Variants in PRDM1 observed in about 807,000 individuals in gnomAD.
PRDM1 encodes PR/SET domain 1, also known as PR domain zinc finger protein 1.
Under a neutral mutation model 62.8 loss-of-function variants are expected in PRDM1, and 13 were observed. The ratio of observed to expected loss-of-function variants is 0.21; its 90% confidence interval spans 0.13 to 0.33. The LOEUF (loss-of-function observed/expected upper bound fraction) is 0.33. Among genes scored for constraint, PRDM1 ranks in the 10% least tolerant of loss-of-function variants. The pLI is 1.00. For synonymous variants in PRDM1, 396 were observed against 417.6 expected, an observed-to-expected ratio of 0.95 and a Z score of 0.63; for missense variants, 895 against 1,058.8, an observed-to-expected ratio of 0.85 and a Z score of 2.15.
At chr6:106,071,436 A>G (rs562158407) in intron 1 of PRDM1, among the ~76,000 whole-genome samples, 3 of 152,308 alleles carry the variant, frequency 2.0e-5, no homozygotes, top group Non-Finnish European at 4.4e-5. Flanking sequence ...GGTATCTCCA[A>G]TAAAAATTAA....
In PRDM1 at chr6:106,017,015, C is replaced by T. The variant is rs542322633; in HGVS notation, c.-67+23376C>T. On this transcript the variant is annotated intron_variant, in intron 1 of 6. Coordinates refer to the PRDM1 transcript ENST00000652320. ...GGAGATTTGCAATAATTTGAAGAAA[C>T]TCCTAGATGAACCATGCAGCCTAGA... Among the ~76,000 whole-genome samples, 4 of 152,242 alleles carry T rather than the reference C, an allele frequency of 2.6e-5. No individual in the cohort carries two copies. The South Asian group carries it at 8.3e-4, about 32-fold the overall frequency.
At chr6:106,097,092 T>A (rs1248758182) in intron 3 of PRDM1, among the ~76,000 whole-genome samples, 6 of 152,232 alleles carry the variant, frequency 3.9e-5, no homozygotes, top group Admixed American at 2.6e-4. Flanking sequence ...ACAGATTCAC[T>A]AAGAATCATG....
At chr6:106,010,356 C>A (rs767581742) in intron 1 of PRDM1, among the ~76,000 whole-genome samples, 3 of 152,120 alleles carry the variant, frequency 2.0e-5, no homozygotes, top group Non-Finnish European at 2.9e-5. Flanking sequence ...CATAATCATA[C>A]ATATTTTATA....
At chr6:106,082,882 C>T (rs181261965), upstream of PRDM1, among the ~76,000 whole-genome samples, 200 of 152,182 alleles carry the variant, frequency 1.3e-3, no homozygotes, top group East Asian at 1.2e-3. Flanking sequence ...CGAAACATAT[C>T]GTACACATAT....
chr6:106,023,087 AG>A (rs1772718236), intron 1 of PRDM1, among the ~76,000 whole-genome samples: 2 of 152,004 alleles, frequency 1.3e-5, no homozygotes, highest in African/African-American at 4.8e-5. Flanking sequence ...CATCTTTTCC[AG>A]TGTTCTGCTC....
chr6:106,099,656 G>A lies in PRDM1; in HGVS notation c.664+104G>A. The A allele has an allele frequency of 2.0e-6, 3 of 1,465,562 alleles. No homozygotes were observed. In the South Asian group the frequency reaches 4.1e-5, roughly 20 times the overall value. The allele number at this position is 1,465,562 out of a possible 1,614,324, so 90.8% of individuals were successfully genotyped here. On this transcript the variant is annotated intron_variant, in intron 4 of 6. Coordinates refer to ENST00000369096, the MANE Select transcript of PRDM1 (RefSeq NM_001198.4). ...TAATTATACGGCTTTGTCATGTGTT[G>A]GATGAAGTAGGTGGCTTAAGCTAGG...
At chr6:106,049,255 T>C (rs923322640) in intron 1 of PRDM1, among the ~76,000 whole-genome samples, 5 of 152,258 alleles carry the variant, frequency 3.3e-5, no homozygotes, top group African/African-American at 1.2e-4. Context: ...AAGCCAATTA[T>C]GTTACCTCTC....
chr6:105,992,766 C>G (rs1054266171), upstream of PRDM1, among the ~76,000 whole-genome samples: 3 of 152,232 alleles, frequency 2.0e-5, no homozygotes, highest in Non-Finnish European at 2.9e-5. Flanking sequence ...GTCCCCCTTG[C>G]CTGTAAACCT....
At chr6:106,014,325 G>T (rs1170522721) in intron 1 of PRDM1, among the ~76,000 whole-genome samples, 1 of 151,748 alleles carries the variant, frequency 6.6e-6, no homozygotes, top group East Asian at 1.9e-4. Flanking sequence ...CTCCCAAAGC[G>T]CTGGGATTAC....
At chr6:106,083,765 G>A (rs983367609), upstream of PRDM1, among the ~76,000 whole-genome samples, 4 of 152,200 alleles carry the variant, frequency 2.6e-5, no homozygotes, top group Non-Finnish European at 4.4e-5. Flanking sequence ...AACTTGGGGG[G>A]AAATAATATA....
chr6:106,066,599 G>A (rs1319989621), intron 1 of PRDM1, among the ~76,000 whole-genome samples: 1 of 152,038 alleles, frequency 6.6e-6, no homozygotes, highest in Non-Finnish European at 1.5e-5. Context: ...GCATTCTTCT[G>A]TTCCTTTCCT....
At chr6:106,087,081 A>C (rs1417974742) in intron 1 of PRDM1, among the ~76,000 whole-genome samples, 1 of 152,252 alleles carries the variant, frequency 6.6e-6, no homozygotes, top group African/African-American at 2.4e-5. Flanking sequence ...CATTTGAACA[A>C]ACACACATTC....
intron 2 of PRDM1, among the ~76,000 whole-genome samples, chr6:106,089,062 G>A (rs568692447): frequency 3.5e-4 from 54 of 152,324 alleles, no homozygotes; most frequent in African/African-American, 1.2e-3. Context: ...GGGCTGGCAG[G>A]CCAATTCCTT....
At chr6:106,027,382 C>G (rs1772778834) in intron 1 of PRDM1, among the ~76,000 whole-genome samples, 1 of 152,232 alleles carries the variant, frequency 6.6e-6, no homozygotes, top group Admixed American at 6.5e-5. Flanking sequence ...AAGATGTGCT[C>G]TTCTTCTTTT....
At chr6:106,000,085 G>A (rs1334989833) in intron 1 of PRDM1, among the ~76,000 whole-genome samples, 1 of 152,108 alleles carries the variant, frequency 6.6e-6, no homozygotes, top group Non-Finnish European at 1.5e-5. Flanking sequence ...TCCTGAGCTC[G>A]TGATCTGCCC....
At chr6:105,995,192 G>T (rs4620150) in intron 1 of PRDM1, among the ~76,000 whole-genome samples, 114,272 of 151,974 alleles carry the variant, frequency 0.75, 43,661 homozygotes, top group South Asian at 0.86. Flanking sequence ...AAGAGGGTCG[G>T]GGCAGGTGCC....
At chr6:106,104,376 T>G (rs1483950972) in intron 4 of PRDM1, among the ~76,000 whole-genome samples, 1 of 152,152 alleles carries the variant, frequency 6.6e-6, no homozygotes, top group African/African-American at 2.4e-5. Context: ...CACGCCCAGC[T>G]AATTTTGTAT....
At chr6:106,081,865 C>A (rs1773700635), upstream of PRDM1, among the ~76,000 whole-genome samples, 2 of 152,190 alleles carry the variant, frequency 1.3e-5, no homozygotes, top group South Asian at 4.1e-4. Context: ...CTCCTCCCTG[C>A]ACTGGGTCTT....
At chr6:106,029,566 C>T (rs1772810508) in intron 1 of PRDM1, among the ~76,000 whole-genome samples, 1 of 151,998 alleles carries the variant, frequency 6.6e-6, no homozygotes, top group Non-Finnish European at 1.5e-5. Context: ...GTTGAGTAGT[C>T]CATTGTATGG....
Sources: allele counts gnomAD v4.1 joint callset (sites outside exome capture counted in the v4.1 genomes callset), GRCh38; gene constraint gnomAD v4.1.1; transcripts MANE v1.5; gene names NCBI Gene and HGNC (gene_info 2026-07-23, HGNC 2026-07-21).